NINJ2: variants seen among roughly 807,000 people sequenced by gnomAD.
NINJ2 encodes the protein ninjurin-2.
NINJ2 carries 12 observed loss-of-function variants against 11.7 expected under a neutral mutation model. The ratio of observed to expected loss-of-function variants is 1.02; its 90% CI spans 0.66 to 1.66. The LOEUF (loss-of-function observed/expected upper bound fraction) is 1.66, where lower values mean the gene tolerates loss of function less well. Among genes scored for constraint, NINJ2 ranks in the 40% most tolerant of loss-of-function variants. NINJ2 has a pLI of 0.00. For synonymous variants in NINJ2, 93 were observed against 76.8 expected (o/e 1.21, Z -1.10); for missense variants, 187 against 181.8 (o/e 1.03, Z -0.16).
intron 1 of NINJ2, among the ~76,000 whole-genome samples, chr12:652,116 T>C (rs1937804533): frequency 2.0e-5 from 3 of 151,460 alleles, no homozygotes; most frequent in Admixed American, 2.0e-4. Context: ...TCAAGCAGGA[T>C]AAATACCTAA....
chr12:646,906 G>T (rs1937692541), intron 1 of NINJ2, among the ~76,000 whole-genome samples: 7 of 150,474 alleles, frequency 4.7e-5, no homozygotes, highest in Admixed American at 2.7e-4. Flanking sequence ...GAGGCGCAGG[G>T]GTTTTCCATT....
intron 1 of NINJ2, chr12:610,370 A>G: frequency 6.5e-7 from 1 of 1,535,506 alleles, no homozygotes; most frequent in Non-Finnish European, 8.7e-7. Flanking sequence ...CTCAGATCCC[A>G]TTTGCTGACT....
In NINJ2 at chr12:643,387, C is replaced by G. The variant is rs570948284; in HGVS notation, c.33+19941G>C. The G allele has an allele frequency of 1.7e-5, 16 of 949,920 alleles. No individual in the cohort carries two copies. The African/African-American group carries it at 2.3e-4, about 14-fold the overall frequency. The allele number at this position is 949,920 out of a possible 1,614,324, so 58.8% of individuals were successfully genotyped here. On this transcript the variant is annotated intron_variant, in intron 1 of 3. Coordinates refer to ENST00000305108, the MANE Select transcript of NINJ2 (RefSeq NM_016533.6). ...CCTGAGTCCGCGGAGGAAAGGGTCG[C>G]AGCTGCAGTCGCGCCAGCCCTCGGG...
rs550731243 is a variant in NINJ2, at chr12:645,409, G to A, written c.33+17919C>T. 6.9e-4 allele frequency: 105 copies of A among 152,226 alleles called. 1 individual carries two copies. Among genetic ancestry groups the A allele is most frequent in the African/African-American group, 2.4e-3 (101 of 41,538 alleles). 9.4% of individuals were successfully genotyped at this position (152,226 alleles called of 1,614,324 possible). ...AGTGGGTACTTAGAAATAAATGGTA[G>A]CCGTTATCATTTATGTGCCTTTGTT... On this transcript the variant is annotated intron_variant, in intron 1 of 3. Coordinates refer to ENST00000305108, the MANE Select transcript of NINJ2 (RefSeq NM_016533.6).
chr12:601,347 C>G (rs972678965), intron 1 of NINJ2, among the ~76,000 whole-genome samples: 5 of 144,000 alleles, frequency 3.5e-5, no homozygotes, highest in South Asian at 2.2e-4. Flanking sequence ...GAGATCGAGA[C>G]CATCCTGGCT....
rs552862346 is a variant in NINJ2, at chr12:592,714, A to C, written c.34-26536T>G. ...AAACTCCATCTCAAAATTTAAAAAA[A>C]AATCAATTACAAATTATTTGGTTAG... On this transcript the variant is annotated intron_variant, in intron 1 of 3. Coordinates refer to ENST00000305108, the MANE Select transcript of NINJ2 (RefSeq NM_016533.6). 2.0e-5 allele frequency among the ~76,000 whole-genome samples: 3 copies of C among 152,360 alleles called. No individual in the cohort carries two copies. The East Asian group carries it at 5.8e-4, about 29-fold the overall frequency.
At chr12:595,942 C>T (rs1033786748) in intron 1 of NINJ2, among the ~76,000 whole-genome samples, 1 of 152,102 alleles carries the variant, frequency 6.6e-6, no homozygotes, top group Non-Finnish European at 1.5e-5. Flanking sequence ...CCACATGATA[C>T]GTCATCAGGA....
chr12:577,998 T>A (rs1455980378), intron 1 of NINJ2, among the ~76,000 whole-genome samples: 4 of 151,976 alleles, frequency 2.6e-5, no homozygotes, highest in African/African-American at 9.7e-5. Flanking sequence ...AAGGCAGAAA[T>A]GAAATCCACG....
At position 580,598 on chromosome 12, in the gene NINJ2, A is replaced by ATAT. The variant is rs1449291058; in HGVS notation, c.34-14421_34-14420insATA. Among the ~76,000 whole-genome samples the ATAT allele has an allele frequency of 2.5e-4, 15 of 60,422 alleles. No individual in the cohort carries two copies. Among genetic ancestry groups the ATAT allele is most frequent in the Non-Finnish European group, 5.9e-4 (13 of 21,976 alleles). The allele number at this position is 60,422 out of a possible 152,430, so 39.6% of individuals were successfully genotyped here. A position where few individuals can be genotyped will look rare whatever the true frequency, so the allele number is the denominator to read the frequency against. On this transcript the variant is annotated intron_variant, in intron 1 of 3. Coordinates refer to ENST00000305108, the MANE Select transcript of NINJ2 (RefSeq NM_016533.6). This position sits in a 1 kb window ranked among gnomAD's most constrained non-coding sequence, Gnocchi z 4.7. ...AGAGACCCTGTCTCAAAAAAAAAAA[A>ATAT]ATATATATATATATATATCCATTTG... is the stretch of plus-strand genomic sequence containing the variant.
At chr12:612,204 C>T (rs1341588571) in intron 1 of NINJ2, among the ~76,000 whole-genome samples, 2 of 152,152 alleles carry the variant, frequency 1.3e-5, no homozygotes, top group Admixed American at 6.5e-5. Context: ...ACTGTCTGCA[C>T]GCAGACTATT....
chr12:567,444 G>T (rs764489903), intron 1 of NINJ2, among the ~76,000 whole-genome samples: 5 of 152,168 alleles, frequency 3.3e-5, no homozygotes, highest in Non-Finnish European at 7.3e-5. Flanking sequence ...ATTTACATTT[G>T]ATTTTGTTTT....
intron 1 of NINJ2, among the ~76,000 whole-genome samples, chr12:623,956 A>G (rs953791717): frequency 2.0e-5 from 3 of 152,182 alleles, no homozygotes; most frequent in African/African-American, 7.2e-5. Flanking sequence ...GGATCGCTTG[A>G]GCTCAGGAGG....
chr12:621,205 T>C (rs751990793), intron 1 of NINJ2, among the ~76,000 whole-genome samples: 7 of 151,976 alleles, frequency 4.6e-5, no homozygotes, highest in Non-Finnish European at 8.8e-5. Flanking sequence ...CCCAGCACTT[T>C]AGGAGGCTGA....
chr12:597,474 G>A (rs903231495), intron 1 of NINJ2, among the ~76,000 whole-genome samples: 4 of 152,324 alleles, frequency 2.6e-5, no homozygotes, highest in African/African-American at 7.2e-5. Flanking sequence ...TGACACAGGA[G>A]AACATAGTCT....
chr12:622,053 C>CAA (rs1948158973), intron 1 of NINJ2, among the ~76,000 whole-genome samples: 1 of 143,550 alleles, frequency 7.0e-6, no homozygotes, highest in East Asian at 2.1e-4. Flanking sequence ...ACCTGGGAGG[C>CAA]GGAGGCTGCA....
intron 1 of NINJ2, among the ~76,000 whole-genome samples, chr12:569,049 C>T (rs561904326): frequency 5.2e-4 from 79 of 152,328 alleles, no homozygotes; most frequent in Admixed American, 4.0e-3. Flanking sequence ...CTCCCATCTT[C>T]CTTCGTGTTT....
intron 1 of NINJ2, among the ~76,000 whole-genome samples, chr12:616,528 T>C (rs1948093445): frequency 6.6e-6 from 1 of 152,202 alleles, no homozygotes; most frequent in Non-Finnish European, 1.5e-5. Flanking sequence ...TTCATTACAG[T>C]GAAGAGTGGG....
chr12:659,090 T>C (rs1035901967), intron 1 of NINJ2, among the ~76,000 whole-genome samples: 2 of 149,118 alleles, frequency 1.3e-5, no homozygotes, highest in African/African-American at 4.9e-5. Flanking sequence ...TATATATATA[T>C]GTCTTTAAAA....
At chr12:634,506 G>T (rs1948323821) in intron 1 of NINJ2, among the ~76,000 whole-genome samples, 1 of 152,014 alleles carries the variant, frequency 6.6e-6, no homozygotes, top group South Asian at 2.1e-4. Context: ...TGATCCGCCT[G>T]CTTCGGCCTC....
Sources: allele counts gnomAD v4.1 joint callset (sites outside exome capture counted in the v4.1 genomes callset), GRCh38; gene constraint gnomAD v4.1.1; non-coding constraint Gnocchi (gnomAD v3.1); transcripts MANE v1.5; gene names NCBI Gene and HGNC (gene_info 2026-07-23, HGNC 2026-07-21).